Variants in ATRNL1 observed in about 807,000 individuals in gnomAD.
The protein encoded by ATRNL1 is attractin like 1, also known as attractin-like protein 1.
ATRNL1 carries 95 observed loss-of-function variants against 182.7 expected under a neutral mutation model. That is an observed-to-expected ratio of 0.52 (90% CI 0.44 to 0.62). The LOEUF (loss-of-function observed/expected upper bound fraction) is 0.62. ATRNL1 is among the 20% of genes least tolerant of loss of function. The probability of loss-of-function intolerance (pLI) is 0.00; values close to 1 mark genes in which losing one functional copy is unlikely to be tolerated. For synonymous variants in ATRNL1, 576 were observed against 568.3 expected, an observed-to-expected ratio of 1.01 and a Z score of -0.19; for missense variants, 1,471 against 1,679.5, an observed-to-expected ratio of 0.88 and a Z score of 2.17.
chr10:115,139,222 ATCT>A (rs1196372848), intron 5 of ATRNL1, among the ~76,000 whole-genome samples: 1 of 152,062 alleles, frequency 6.6e-6, no homozygotes, highest in Non-Finnish European at 1.5e-5. Flanking sequence ...ACATTTTTCT[ATCT>A]TCTTCTGAGC....
chr10:115,421,205 A>G (rs1249760775), intron 20 of ATRNL1, among the ~76,000 whole-genome samples: 10 of 152,192 alleles, frequency 6.6e-5, no homozygotes, highest in South Asian at 4.1e-4. Context: ...TGAGGCCAGC[A>G]TTACCCTGAT....
intron 17 of ATRNL1, among the ~76,000 whole-genome samples, chr10:115,304,972 T>G (rs1853654780): frequency 6.6e-6 from 1 of 152,008 alleles, no homozygotes; most frequent in Non-Finnish European, 1.5e-5. Flanking sequence ...CAAGGACTCC[T>G]TTTTTCTCTA....
chr10:115,482,270 T>C (rs1848804974), intron 24 of ATRNL1, among the ~76,000 whole-genome samples: 1 of 151,116 alleles, frequency 6.6e-6, no homozygotes, highest in Non-Finnish European at 1.5e-5. Flanking sequence ...CAAATGAATA[T>C]TCAGCACGCA....
chr10:115,765,678 A>T (rs1948839879), intron 27 of ATRNL1, among the ~76,000 whole-genome samples: 1 of 152,214 alleles, frequency 6.6e-6, no homozygotes, highest in Admixed American at 6.5e-5. Context: ...TTCATGAATT[A>T]AGCCTTTGGT....
At chr10:115,104,559 T>G (rs1843918279) in intron 1 of ATRNL1, among the ~76,000 whole-genome samples, 1 of 152,172 alleles carries the variant, frequency 6.6e-6, no homozygotes, top group South Asian at 2.1e-4. Flanking sequence ...TATGATCCCA[T>G]TTATCCATTT....
chr10:115,842,309 G>A (rs1025290604), intron 27 of ATRNL1, among the ~76,000 whole-genome samples: 4 of 151,956 alleles, frequency 2.6e-5, no homozygotes, highest in Non-Finnish European at 5.9e-5. Context: ...TCATCATATG[G>A]TATAAAAATG....
At chr10:115,693,706 C>T (rs1259083536) in intron 26 of ATRNL1, among the ~76,000 whole-genome samples, 3 of 151,934 alleles carry the variant, frequency 2.0e-5, no homozygotes, top group African/African-American at 7.3e-5. Context: ...TGTTACTGTA[C>T]CGAATGCTGT....
intron 27 of ATRNL1, among the ~76,000 whole-genome samples, chr10:115,728,876 C>T (rs1431152818): frequency 6.6e-6 from 1 of 152,150 alleles, no homozygotes; most frequent in East Asian, 1.9e-4. Flanking sequence ...ACAGCAAGTG[C>T]TCTAATTTCA....
At chr10:115,734,929 T>C (rs12267866) in intron 27 of ATRNL1, among the ~76,000 whole-genome samples, 29,804 of 151,922 alleles carry the variant, frequency 0.2, 3,400 homozygotes, top group South Asian at 0.29. Context: ...TTAATGAACA[T>C]TTTTCCCTCT....
intron 26 of ATRNL1, among the ~76,000 whole-genome samples, chr10:115,680,599 T>C (rs577447900): frequency 6.6e-6 from 1 of 152,272 alleles, no homozygotes; most frequent in South Asian, 2.1e-4. Context: ...ATGTATTTGC[T>C]AAGGCTGTAG....
At chr10:115,589,653 G>A (rs1555011572) in intron 26 of ATRNL1, among the ~76,000 whole-genome samples, 2 of 152,088 alleles carry the variant, frequency 1.3e-5, no homozygotes, top group Non-Finnish European at 2.9e-5. Context: ...ACATACTTAT[G>A]TCTGTCTTTT....
At chr10:115,200,032 C>G (rs564376074) in intron 8 of ATRNL1, among the ~76,000 whole-genome samples, 1 of 151,826 alleles carries the variant, frequency 6.6e-6, no homozygotes, top group Non-Finnish European at 1.5e-5. Flanking sequence ...GTGCAGTGGA[C>G]CAGAGTATAT....
At chr10:115,255,871 C>G (rs1359658388) in intron 10 of ATRNL1, among the ~76,000 whole-genome samples, 1 of 152,112 alleles carries the variant, frequency 6.6e-6, no homozygotes, top group Non-Finnish European at 1.5e-5. Context: ...TTGTCGAAGG[C>G]CTTTTTGGCA....
chr10:115,721,289 T>G (rs976116490), intron 26 of ATRNL1, among the ~76,000 whole-genome samples: 9 of 152,208 alleles, frequency 5.9e-5, no homozygotes, highest in Admixed American at 4.6e-4. Flanking sequence ...AATTTTACTT[T>G]GAGTGATAAC....
At chr10:115,918,880 G>A (rs1389919201) in intron 28 of ATRNL1, among the ~76,000 whole-genome samples, 2 of 152,176 alleles carry the variant, frequency 1.3e-5, no homozygotes, top group African/African-American at 2.4e-5. Context: ...GTTTAATACC[G>A]CTGATCTGCA....
chr10:115,510,408 C>G (rs1270201753), intron 24 of ATRNL1, among the ~76,000 whole-genome samples: 1 of 151,962 alleles, frequency 6.6e-6, no homozygotes, highest in Non-Finnish European at 1.5e-5. Flanking sequence ...TTGCCACAAT[C>G]ACTCCAACCC....
chr10:115,844,699 T>G (rs1433302642), intron 27 of ATRNL1, among the ~76,000 whole-genome samples: 3 of 152,046 alleles, frequency 2.0e-5, no homozygotes, highest in African/African-American at 7.2e-5. Context: ...CTGTCAGTGA[T>G]GTTTTCTGGC....
At chr10:115,280,769 T>A (rs1852325320) in intron 13 of ATRNL1, among the ~76,000 whole-genome samples, 1 of 152,214 alleles carries the variant, frequency 6.6e-6, no homozygotes, top group African/African-American at 2.4e-5. Context: ...TTCTTCTATC[T>A]GGTGAAAATA....
At chr10:115,720,814 T>C (rs1433455247) in intron 26 of ATRNL1, among the ~76,000 whole-genome samples, 1 of 152,224 alleles carries the variant, frequency 6.6e-6, no homozygotes, top group African/African-American at 2.4e-5. Flanking sequence ...TTCAAATTCT[T>C]ATCTAGCAAA....
Sources: allele counts gnomAD v4.1 joint callset (sites outside exome capture counted in the v4.1 genomes callset), GRCh38; gene constraint gnomAD v4.1.1; transcripts MANE v1.5; gene names NCBI Gene and HGNC (gene_info 2026-07-23, HGNC 2026-07-21).